The following SUN1 variants were observed in gnomAD, a reference collection of about 807,000 sequenced individuals.
SUN1 encodes the protein SUN domain-containing protein 1.
SUN1 carries 61 observed loss-of-function variants against 103.2 expected under a neutral mutation model. The observed-to-expected ratio is 0.59, with a 90% CI of 0.48 to 0.73. The LOEUF is 0.73. SUN1 is among the 30% of genes least tolerant of loss of function. SUN1 has a pLI of 0.00. For missense variants in SUN1, 1,052 were observed against 1,034.6 expected, an observed-to-expected ratio of 1.02 and a Z score of -0.23; for synonymous variants, 490 against 425.7, an observed-to-expected ratio of 1.15 and a Z score of -1.86.
intron 5 of SUN1, among the ~76,000 whole-genome samples, chr7:848,082 T>C (rs1818122604): frequency 6.6e-6 from 1 of 151,124 alleles, no homozygotes; most frequent in Admixed American, 6.6e-5. Context: ...CTCTCTGGGA[T>C]CTCCTGGGGG....
rs781737978 is a variant in SUN1 at position 852,883 on chromosome 7, A to T, written c.984A>T (p.Arg328Ser). The T allele has an allele frequency of 1.2e-5, 20 of 1,614,056 alleles. 1 individual carries two copies. The South Asian group carries it at 2.2e-4, about 18-fold the overall frequency. Residue 328 changes from arginine (R) to serine (S), a missense_variant, in exon 9 of 19, where the codon AGA (arginine) becomes AGT (serine). Coordinates refer to ENST00000401592, the MANE Select transcript of SUN1 (RefSeq NM_001130965.3). The part of the protein sequence containing the change: ...LPVLNWASMH[R>S]TQRVDDPQDV... ...TGTTGAACTGGGCAAGCATGCATAG[A>T]ACACAGCGGGTGGATGACCCCCAGG...
In SUN1 at chr7:851,445, G is replaced by A. The variant is rs186121469; in HGVS notation, c.720G>A (p.Thr240=). The A allele has an allele frequency of 1.5e-5, 24 of 1,610,000 alleles. No homozygotes were observed. Among genetic ancestry groups the A allele is most frequent in the Middle Eastern group, 3.3e-4 (2 of 6,052 alleles). The change falls in exon 6 of 19, where the codon ACG becomes ACA. Residue 240 remains threonine (T), a synonymous_variant. Transcript: ENST00000401592. ...IGAVGQAVSR[T]AWSALWLAVV... is the part of the protein sequence containing the mutation. ...CTGTGGGCCAGGCTGTGTCCAGGAC[G>A]GCGTGGTCGGCCCTTTGGCTGGCCG...
intron 1 of SUN1, among the ~76,000 whole-genome samples, chr7:833,854 G>A (rs905852145): frequency 6.6e-6 from 1 of 151,974 alleles, no homozygotes; most frequent in Non-Finnish European, 1.5e-5. Context: ...CCTTCAGACC[G>A]TGCAGCATGA....
chr7:817,439 C>G, intron 1 of SUN1: 1 of 1,536,074 alleles, frequency 6.5e-7, no homozygotes. Context: ...CGGGGAACAC[C>G]TTGCCACTGT....
rs59576519 is a variant in SUN1, at chr7:858,868, C to T, written c.1524+911C>T. On this transcript the variant is annotated intron_variant, in intron 13 of 18. Transcript: ENST00000401592. ...AAGCAGTGGTGACAGAGAAAGCATG[C>T]GATAGGCCGGGCGCCGCGGCTCACG... is the stretch of plus-strand genomic sequence containing the variant. 7.6e-3 allele frequency among the ~76,000 whole-genome samples: 1,152 copies of T among 152,164 alleles called. 52 individuals are homozygous for T. The East Asian group carries it at 0.14, about 18-fold the overall frequency.
At chr7:846,953 C>T (rs575088663) in intron 5 of SUN1, among the ~76,000 whole-genome samples, 3 of 152,284 alleles carry the variant, frequency 2.0e-5, no homozygotes, top group South Asian at 4.1e-4. Flanking sequence ...TTGAAGGCTG[C>T]AGTGAGCTAT....
At chr7:827,579 C>T (rs548850078), upstream of SUN1, among the ~76,000 whole-genome samples, 190 of 151,248 alleles carry the variant, frequency 1.3e-3, no homozygotes, top group African/African-American at 4.2e-3. Flanking sequence ...ACGCCATTCT[C>T]CCGCCTCAGC....
At chr7:843,775 C>T in intron 5 of SUN1, 1 of 1,425,610 alleles carries the variant, frequency 7.0e-7, no homozygotes, top group Non-Finnish European at 9.1e-7. Flanking sequence ...AAGAAAATTT[C>T]TACGTAAGCG....
intron 13 of SUN1, 150 bp from the exon 14 acceptor site, chr7:859,978 A>T: frequency 9.2e-7 from 1 of 1,087,230 alleles, no homozygotes; most frequent in Non-Finnish European, 1.3e-6. Context: ...AGGGGTTATT[A>T]AATTTAATAT....
At chr7:856,615 A>G (rs554856096) in intron 12 of SUN1, among the ~76,000 whole-genome samples, 33 of 152,102 alleles carry the variant, frequency 2.2e-4, no homozygotes, top group African/African-American at 8.0e-4. Flanking sequence ...CGCGGCGTGG[A>G]CCTCTGTAGT....
intron 3 of SUN1, chr7:842,334 C>A (rs1345658039): frequency 6.8e-6 from 4 of 587,054 alleles, no homozygotes; most frequent in Non-Finnish European, 1.2e-5. Context: ...CAGACTTGAT[C>A]AGGACGCTCC....
At chr7:864,770 A>G (rs933162190) in intron 15 of SUN1, among the ~76,000 whole-genome samples, 111 of 152,148 alleles carry the variant, frequency 7.3e-4, no homozygotes, top group African/African-American at 2.6e-3. Flanking sequence ...CTGGGACTAC[A>G]GGGGCGCGTC....
rs764905524 is a variant in SUN1 at position 857,830 on chromosome 7, C to T, written c.1397C>T (p.Ala466Val). The T allele has an allele frequency of 7.0e-6, 11 of 1,576,940 alleles. No individual in the cohort carries two copies. Among genetic ancestry groups the T allele is most frequent in the East Asian group, 6.8e-5 (3 of 43,896 alleles). ...LEQTKQKTIS[A>V]VGEQLLPTVE... is the part of the protein sequence containing the mutation. ...CCATTCTCACTGTTGGATTCCAGTG[C>T]GGTTGGTGAGCAGCTCCTGCCCACA... The change falls in exon 13 of 19, where the codon GCG becomes GTG. Residue 466 changes from alanine (A) to valine (V), a missense_variant and splice_region_variant. Physicochemically the swap from Ala to Val is moderately conservative, Grantham distance 64. Around this residue, in one of 2 missense-constraint regions of SUN1, gnomAD observed 846 missense variants for 774.5 expected, o/e 1.09. Coordinates refer to ENST00000401592, the MANE Select transcript of SUN1 (RefSeq NM_001130965.3).
intron 15 of SUN1, among the ~76,000 whole-genome samples, chr7:862,121 C>A (rs959327541): frequency 2.6e-5 from 4 of 152,220 alleles, no homozygotes; most frequent in African/African-American, 9.6e-5. Context: ...GCTTCACGTC[C>A]GCTCAGGGAA....
At chr7:829,833 C>T (rs1796337468), upstream of SUN1, among the ~76,000 whole-genome samples, 1 of 152,146 alleles carries the variant, frequency 6.6e-6, no homozygotes, top group African/African-American at 2.4e-5. Flanking sequence ...GGATTATAGG[C>T]GTGAGCCACC....
intron 5 of SUN1, among the ~76,000 whole-genome samples, chr7:844,246 C>G (rs1812974058): frequency 6.6e-6 from 1 of 152,208 alleles, no homozygotes; most frequent in Non-Finnish European, 1.5e-5. Context: ...CCCAGGATCT[C>G]TCTCACCTGC....
chr7:856,084 A>T (rs1827014546), intron 11 of SUN1, among the ~76,000 whole-genome samples: 1 of 152,106 alleles, frequency 6.6e-6, no homozygotes, highest in South Asian at 2.1e-4. Context: ...TGTGACAGGG[A>T]GCTGACTCCC....
chr7:865,612 G>A (rs1342833961), intron 15 of SUN1, among the ~76,000 whole-genome samples: 1 of 152,300 alleles, frequency 6.6e-6, no homozygotes, highest in South Asian at 2.1e-4. Context: ...CCCAGGAGTG[G>A]CATTGCCAGA....
At chr7:838,333 C>A (rs1805545666) in intron 1 of SUN1, among the ~76,000 whole-genome samples, 1 of 152,202 alleles carries the variant, frequency 6.6e-6, no homozygotes, top group African/African-American at 2.4e-5. Context: ...TAGATAAATT[C>A]TAAATTTAGA....
Sources: allele counts gnomAD v4.1 joint callset (sites outside exome capture counted in the v4.1 genomes callset), GRCh38; gene constraint gnomAD v4.1.1; regional missense constraint gnomAD v4.1.1; transcripts MANE v1.5; gene names NCBI Gene and HGNC (gene_info 2026-07-23, HGNC 2026-07-21).